Variants in PPP2R2B observed in about 807,000 individuals in gnomAD.
PPP2R2B encodes protein phosphatase 2 regulatory subunit Bbeta, also known as serine/threonine-protein phosphatase 2A 55 kDa regulatory subunit B beta isoform.
A neutral mutation model predicts 46.0 loss-of-function variants in PPP2R2B; 5 were observed. That is an observed-to-expected ratio of 0.11 (90% CI 0.06 to 0.23). PPP2R2B has a LOEUF of 0.23. Ranked by LOEUF, PPP2R2B falls within the 10% of genes least tolerant of loss-of-function variation. The probability of loss-of-function intolerance (pLI) is 1.00; values close to 1 mark genes in which losing one functional copy is unlikely to be tolerated. For synonymous variants in PPP2R2B, 215 were observed against 206.7 expected, an observed-to-expected ratio of 1.04 and a Z score of -0.34; for missense variants, 367 against 575.0, an observed-to-expected ratio of 0.64 and a Z score of 3.70.
At chr5:146,709,437 C>T (rs1006707194) in intron 2 of PPP2R2B, among the ~76,000 whole-genome samples, 1 of 152,152 alleles carries the variant, frequency 6.6e-6, no homozygotes, top group African/African-American at 2.4e-5. Context: ...GCTGGAAAAC[C>T]CACATACTTG....
intron 5 of PPP2R2B, among the ~76,000 whole-genome samples, chr5:146,655,596 G>A (rs959141303): frequency 2.6e-5 from 4 of 152,234 alleles, no homozygotes; most frequent in Non-Finnish European, 5.9e-5. Flanking sequence ...GCAGAAAGGT[G>A]AAGTTGTCTG....
chr5:146,871,422 G>A (rs1408940458), intron 2 of PPP2R2B, among the ~76,000 whole-genome samples: 1 of 152,198 alleles, frequency 6.6e-6, no homozygotes, highest in Non-Finnish European at 1.5e-5. Flanking sequence ...CACTGGGGAT[G>A]AGTGACATGG....
At chr5:147,038,941 A>C (rs1361466423) in intron 1 of PPP2R2B, among the ~76,000 whole-genome samples, 1 of 152,182 alleles carries the variant, frequency 6.6e-6, no homozygotes, top group African/African-American at 2.4e-5. Context: ...AGGAGGGCTT[A>C]AGTATTTGAG....
chr5:146,936,566 G>A (rs959944475), intron 1 of PPP2R2B, among the ~76,000 whole-genome samples: 5 of 149,396 alleles, frequency 3.3e-5, no homozygotes, highest in African/African-American at 7.4e-5. Context: ...TTTTACAGTC[G>A]TTTTGATTGC....
Position 146,590,960 on chromosome 5 carries a change from A to G in PPP2R2B, c.1053-734T>C, listed in dbSNP as rs1770585848. Among the ~76,000 whole-genome samples the G allele has an allele frequency of 2.0e-5, 3 of 152,162 alleles. No homozygotes were observed. The South Asian group carries it at 6.2e-4, about 31-fold the overall frequency. On this transcript the variant is annotated intron_variant, in intron 9 of 9. Transcript: ENST00000394411. ...GACAGATGGTTTCCACATTTTTATA[A>G]GTTATCCCCTCTTAGGCATAGCTGC...
intron 5 of PPP2R2B, among the ~76,000 whole-genome samples, chr5:146,659,031 T>C (rs1475991352): frequency 4.2e-5 from 2 of 47,636 alleles, no homozygotes; most frequent in Non-Finnish European, 9.8e-5. Context: ...ATATTTGTCA[T>C]AGAAATGATC....
At chr5:146,992,826 T>G (rs1205589143) in intron 1 of PPP2R2B, among the ~76,000 whole-genome samples, 2 of 152,254 alleles carry the variant, frequency 1.3e-5, no homozygotes, top group Non-Finnish European at 2.9e-5. Context: ...CACTCAGCCT[T>G]GGCTGGCATG....
rs1367506483 is a variant in PPP2R2B at position 146,988,378 on chromosome 5, G to T, written c.79+67287C>A. On this transcript the variant is annotated intron_variant, in intron 1 of 8. Coordinates refer to the PPP2R2B transcript ENST00000336640. ...GAATGTATTTTAGGCCACAACACAAGTCTTCACAAATGTTACAAAATTGAA... is the reference window on the plus strand; with the variant it reads ...GAATGTATTTTAGGCCACAACACAATTCTTCACAAATGTTACAAAATTGAA... 2.0e-5 allele frequency among the ~76,000 whole-genome samples: 3 copies of T among 151,886 alleles called. No homozygotes were observed. The East Asian group carries it at 5.8e-4, about 29-fold the overall frequency.
At chr5:146,977,913 A>G (rs1355577226) in intron 1 of PPP2R2B, among the ~76,000 whole-genome samples, 1 of 152,168 alleles carries the variant, frequency 6.6e-6, no homozygotes, top group East Asian at 1.9e-4. Context: ...GCTGGGCCAA[A>G]TGGTATTTCT....
rs77664831 is a variant in PPP2R2B, at chr5:146,742,036, T to C, written c.71-40894A>G. The stretch of plus-strand genomic sequence containing the variant: ...CTTGTAATTATCTCAGGGGCCAATC[T>C]GTCTGTGTAATGGGCTCTGGAGGAA... On this transcript the variant is annotated intron_variant, in intron 2 of 9. Transcript: ENST00000394411. Among the ~76,000 whole-genome samples, 27 of 152,314 alleles carry C rather than the reference T, an allele frequency of 1.8e-4. 1 individual carries two copies. In the East Asian group the frequency reaches 5.2e-3, roughly 29 times the overall value.
rs181072008 is a variant in PPP2R2B, at chr5:146,708,328, A to T, written c.71-7186T>A. 8.0e-3 allele frequency among the ~76,000 whole-genome samples: 1,188 copies of T among 149,426 alleles called. 9 individuals carry two copies. The highest frequency in any genetic ancestry group is 0.021 in the Admixed American group (317 of 14,908). On this transcript the variant is annotated intron_variant, in intron 2 of 9. Coordinates refer to ENST00000394411, the MANE Select transcript of PPP2R2B (RefSeq NM_181675.4). ...GCCGAGATCATGCCACTGCACTCAC[A>T]CCTGGGCGACAGAGCCAGACTTGGT...
At chr5:147,027,096 A>G (rs1396009871) in intron 1 of PPP2R2B, among the ~76,000 whole-genome samples, 1 of 152,256 alleles carries the variant, frequency 6.6e-6, no homozygotes, top group African/African-American at 2.4e-5. Context: ...AATACTATGC[A>G]GTGATAAAAT....
intron 2 of PPP2R2B, among the ~76,000 whole-genome samples, chr5:146,731,512 AT>A (rs1366222172): frequency 1.3e-5 from 2 of 152,064 alleles, no homozygotes; most frequent in African/African-American, 2.4e-5. Context: ...TTCCCTCTTC[AT>A]TTTCCGTGGC....
intron 7 of PPP2R2B, among the ~76,000 whole-genome samples, chr5:146,630,710 C>T (rs888847733): frequency 6.6e-6 from 1 of 152,156 alleles, no homozygotes; most frequent in Admixed American, 6.5e-5. Flanking sequence ...GACATTACTA[C>T]TTTTATGATT....
At chr5:146,663,269 C>T (rs1419866942) in intron 5 of PPP2R2B, among the ~76,000 whole-genome samples, 1 of 152,158 alleles carries the variant, frequency 6.6e-6, no homozygotes, top group Non-Finnish European at 1.5e-5. Context: ...AACCACTATA[C>T]TATGCTGCCT....
intron 7 of PPP2R2B, among the ~76,000 whole-genome samples, chr5:146,637,382 C>A (rs1774892237): frequency 6.6e-6 from 1 of 152,120 alleles, no homozygotes; most frequent in East Asian, 1.9e-4. Flanking sequence ...ACAGATGCTG[C>A]TAAACATCCT....
chr5:147,035,351 TC>T (rs1561590469), intron 1 of PPP2R2B: 1 of 281,708 alleles, frequency 3.5e-6, no homozygotes, highest in East Asian at 1.4e-4. Context: ...GGGGAAGGCC[TC>T]CCCCATGATC....
intron 2 of PPP2R2B, among the ~76,000 whole-genome samples, chr5:146,813,242 A>C (rs534251282): frequency 9.9e-5 from 15 of 151,700 alleles, no homozygotes; most frequent in Non-Finnish European, 1.6e-4. Context: ...ATTAAAAAAA[A>C]CCCCTCTCTT....
intron 2 of PPP2R2B, among the ~76,000 whole-genome samples, chr5:146,863,748 TA>T (rs1287502002): frequency 1.3e-5 from 2 of 152,124 alleles, no homozygotes; most frequent in Non-Finnish European, 2.9e-5. Context: ...TTTTTTAAAT[TA>T]AAAAAATGCC....
Sources: allele counts gnomAD v4.1 joint callset (sites outside exome capture counted in the v4.1 genomes callset), GRCh38; gene constraint gnomAD v4.1.1; transcripts MANE v1.5; gene names NCBI Gene and HGNC (gene_info 2026-07-23, HGNC 2026-07-21).